The following HHAT variants were observed in gnomAD, a reference collection of about 807,000 sequenced individuals.
The protein encoded by HHAT is protein-cysteine N-palmitoyltransferase HHAT.
A neutral mutation model predicts 70.8 loss-of-function variants in HHAT; 47 were observed. The observed-to-expected ratio is 0.66, with a 90% confidence interval of 0.53 to 0.85. The LOEUF (loss-of-function observed/expected upper bound fraction) is 0.85. Ranked by LOEUF, HHAT falls within the 40% of genes least tolerant of loss-of-function variation. The pLI, the probability that HHAT is intolerant of heterozygous loss-of-function variation, is 0.00. For synonymous variants in HHAT, 228 were observed against 247.6 expected, an observed-to-expected ratio of 0.92 and a Z score of 0.74; for missense variants, 609 against 604.8, an observed-to-expected ratio of 1.01 and a Z score of -0.07.
At position 210,613,598 on chromosome 1, in the gene HHAT, G is replaced by T. The variant is rs1449759327; in HGVS notation, c.1246-9928G>T. 2.0e-5 allele frequency among the ~76,000 whole-genome samples: 3 copies of T among 152,168 alleles called. No homozygotes were observed. In the East Asian group the frequency reaches 5.8e-4, roughly 29 times the overall value. On this transcript the variant is annotated intron_variant, in intron 10 of 11. Coordinates refer to ENST00000261458, the MANE Select transcript of HHAT (RefSeq NM_018194.6). ...TTTTCAAGGTTGTTTTGGCCAGTTGGGGCCATTTGAGATCTCAGGTGAATT... is the reference window on the plus strand; with the variant it reads ...TTTTCAAGGTTGTTTTGGCCAGTTGTGGCCATTTGAGATCTCAGGTGAATT...
intron 8 of HHAT, among the ~76,000 whole-genome samples, chr1:210,470,911 T>C (rs947620760): frequency 1.3e-5 from 2 of 152,238 alleles, no homozygotes; most frequent in African/African-American, 4.8e-5. Context: ...CAATTCCTAA[T>C]GGAGCTGGAA....
At chr1:210,378,585 A>G (rs545349798) in intron 3 of HHAT, among the ~76,000 whole-genome samples, 2 of 152,328 alleles carry the variant, frequency 1.3e-5, no homozygotes, top group Admixed American at 6.5e-5. Context: ...TTTGGAGTAC[A>G]TGTGATACTT....
At chr1:210,433,569 G>GA (rs3834003) in intron 7 of HHAT, among the ~76,000 whole-genome samples, 1 of 151,372 alleles carries the variant, frequency 6.6e-6, no homozygotes, top group African/African-American at 2.5e-5. Flanking sequence ...GGTGGGGGTG[G>GA]AAAAAAAACA....
intron 10 of HHAT, among the ~76,000 whole-genome samples, chr1:210,598,388 C>T (rs1327724664): frequency 3.3e-5 from 5 of 152,040 alleles, no homozygotes; most frequent in African/African-American, 1.2e-4. Flanking sequence ...TGAAGTTGAG[C>T]AAAGTATGAG....
Position 210,418,191 on chromosome 1 carries a change from T to A in HHAT, c.722T>A (p.Leu241Gln), listed in dbSNP as rs376960795. 1.4e-5 allele frequency: 22 copies of A among 1,614,136 alleles called. No individual in the cohort carries two copies. In the African/African-American group the frequency reaches 2.8e-4, roughly 21 times the overall value. ...QQEHDSLKAS[L>Q]CVLALGLGRL... Reference sequence around the variant, plus strand: ...GAGCATGACTCCCTGAAGGCCAGCCTGTGTGTCCTGGCCCTGGGGCTGGGC... The same window carrying A: ...GAGCATGACTCCCTGAAGGCCAGCCAGTGTGTCCTGGCCCTGGGGCTGGGC... Residue 241 changes from leucine (L) to glutamine (Q), a missense_variant, in exon 7 of 12, where the codon CTG becomes CAG. By Grantham distance (113) the Leu-to-Gln change is moderately radical. Coordinates refer to ENST00000261458, the MANE Select transcript of HHAT (RefSeq NM_018194.6).
chr1:210,344,218 C>T (rs1029351442), intron 1 of HHAT, among the ~76,000 whole-genome samples: 5 of 152,170 alleles, frequency 3.3e-5, no homozygotes, highest in Non-Finnish European at 7.3e-5. Flanking sequence ...CCGCTAGTTA[C>T]TATGTATCTC....
intron 4 of HHAT, among the ~76,000 whole-genome samples, chr1:210,399,257 C>T (rs2091948475): frequency 6.6e-6 from 1 of 151,946 alleles, no homozygotes; most frequent in Non-Finnish European, 1.5e-5. Context: ...GTTATTATTC[C>T]AGTTTTGTTT....
intron 9 of HHAT, among the ~76,000 whole-genome samples, chr1:210,537,497 T>A (rs898538688): frequency 9.8e-5 from 15 of 152,296 alleles, no homozygotes; most frequent in Middle Eastern, 6.8e-3. Context: ...AGACAGGAAG[T>A]GGGGAACACC....
chr1:210,529,387 TAAGC>T (rs2095289338), intron 9 of HHAT, among the ~76,000 whole-genome samples: 1 of 151,974 alleles, frequency 6.6e-6, no homozygotes, highest in Non-Finnish European at 1.5e-5. Context: ...AACACTGAAT[TAAGC>T]AAGCTATGAG....
chr1:210,624,785 GTA>G (rs1453440239), intron 11 of HHAT, among the ~76,000 whole-genome samples: 3 of 152,140 alleles, frequency 2.0e-5, no homozygotes, highest in African/African-American at 7.2e-5. Context: ...ACTACTCATG[GTA>G]CATACTACTA....
chr1:210,576,560 AAT>A, intron 9 of HHAT, among the ~76,000 whole-genome samples: 1 of 151,890 alleles, frequency 6.6e-6, no homozygotes, highest in Non-Finnish European at 1.5e-5. Context: ...AGATATACCT[AAT>A]GCTAAATGAC....
intron 3 of HHAT, among the ~76,000 whole-genome samples, chr1:210,365,309 G>GTTTTTTTTTTTTTT (rs4027290): frequency 2.6e-5 from 2 of 78,420 alleles, no homozygotes; most frequent in Admixed American, 2.0e-4. Flanking sequence ...ACTGCTGACA[G>GTTTTTTTTTTTTTT]TTTTTTTTTT....
chr1:210,657,778 C>G (rs969584947), intron 11 of HHAT, among the ~76,000 whole-genome samples: 2 of 152,132 alleles, frequency 1.3e-5, no homozygotes, highest in African/African-American at 4.8e-5. Flanking sequence ...TCCTGCCCTT[C>G]CCTCCCTTGG....
chr1:210,504,151 C>A (rs184122726), intron 8 of HHAT, among the ~76,000 whole-genome samples: 38 of 152,320 alleles, frequency 2.5e-4, no homozygotes, highest in African/African-American at 8.2e-4. Context: ...AGAATACTTA[C>A]AAGGGTAGGA....
At chr1:210,629,140 A>G (rs1449561733) in intron 11 of HHAT, among the ~76,000 whole-genome samples, 1 of 152,238 alleles carries the variant, frequency 6.6e-6, no homozygotes, top group Non-Finnish European at 1.5e-5. Flanking sequence ...ATCCGTGTTT[A>G]CATCATTGGT....
intron 6 of HHAT, among the ~76,000 whole-genome samples, chr1:210,407,817 C>T (rs534955531): frequency 6.6e-6 from 1 of 152,278 alleles, no homozygotes; most frequent in East Asian, 1.9e-4. Flanking sequence ...CCTGGGGCCA[C>T]TACGTCTTGA....
chr1:210,362,711 T>G, intron 2 of HHAT, 141 bp from the exon 3 acceptor site: 1 of 648,432 alleles, frequency 1.5e-6, no homozygotes, highest in Non-Finnish European at 2.7e-6. Context: ...GGTCAAGGAG[T>G]GTGGTATGTT....
intron 7 of HHAT, among the ~76,000 whole-genome samples, chr1:210,457,145 G>A (rs2093886300): frequency 6.6e-6 from 1 of 152,102 alleles, no homozygotes; most frequent in Non-Finnish European, 1.5e-5. Context: ...ACCACCTCAG[G>A]ACATTAGTTT....
chr1:210,507,788 T>A (rs561242092), intron 8 of HHAT, among the ~76,000 whole-genome samples: 6 of 152,264 alleles, frequency 3.9e-5, no homozygotes, highest in African/African-American at 1.2e-4. Flanking sequence ...AAAGAGGAAA[T>A]CCATACTATA....
Sources: gnomAD v4.1 joint callset for allele counts (sites outside exome capture counted in the v4.1 genomes callset) on GRCh38, gnomAD v4.1.1 for gene constraint, MANE v1.5 for transcripts, NCBI Gene and HGNC (gene_info 2026-07-23, HGNC 2026-07-21) for gene names.